SETX: variants seen among roughly 807,000 people sequenced by gnomAD.
The protein encoded by SETX is senataxin, also known as helicase senataxin.
SETX carries 90 observed loss-of-function variants against 227.2 expected under a neutral mutation model. That is an observed-to-expected ratio of 0.40 (90% CI 0.33 to 0.47). The LOEUF (loss-of-function observed/expected upper bound fraction) is 0.47. Ranked by LOEUF, SETX falls within the 20% of genes least tolerant of loss-of-function variation. The pLI is 0.91. For missense variants in SETX, 3,052 were observed against 3,181.5 expected (o/e 0.96, Z 0.98); for synonymous variants, 1,210 against 1,113.2 (o/e 1.09, Z -1.73).
Position 132,336,337 on chromosome 9 carries a change from G to T in SETX, c.677C>A (p.Ser226Ter). ...LEKGKLILLP[S>*]HMYDTTNYKS... ...GTAGTTGGTAGTATCATACATGTGTGAGGGCAGAAGAATCAGTTTACCCTT... is the reference window on the plus strand; with the variant it reads ...GTAGTTGGTAGTATCATACATGTGTTAGGGCAGAAGAATCAGTTTACCCTT... Residue 226 changes from serine (S) to a stop codon, truncating the protein, a stop_gained, in exon 6 of 26, where the codon TCA becomes TAA. Transcript: ENST00000224140. LOFTEE classifies it high-confidence loss of function. 1 of 1,614,036 alleles carries T rather than the reference G, an allele frequency of 6.2e-7. No homozygotes were observed. The highest frequency in any genetic ancestry group is 8.5e-7 in the Non-Finnish European group (1 of 1,179,914).
chr9:132,286,473 T>C lies in SETX; in HGVS notation c.6346A>G (p.Ile2116Val), dbSNP rs372396028. 1.3e-5 allele frequency: 21 copies of C among 1,613,578 alleles called. No homozygotes were observed. Among genetic ancestry groups the C allele is most frequent in the Non-Finnish European group, 1.8e-5 (21 of 1,179,784 alleles). Reference sequence around the variant, plus strand: ...TGCCTTTCCTTAGAAACTTTGGAAATGTTTTCATCTAATTCTTGCCTCTGG... The same window carrying C: ...TGCCTTTCCTTAGAAACTTTGGAAACGTTTTCATCTAATTCTTGCCTCTGG... ...EIQRQELDEN[I>V]SKVSKERQEL... The change falls in exon 18 of 26, where the codon ATT (isoleucine) becomes GTT (valine). Residue 2116 changes from isoleucine (I) to valine (V), a missense_variant. Physicochemically the swap from Ile to Val is conservative, Grantham distance 29 (BLOSUM62 3). Coordinates refer to ENST00000224140, the MANE Select transcript of SETX (RefSeq NM_015046.7).
intron 10 of SETX, among the ~76,000 whole-genome samples, chr9:132,318,635 C>A (rs540234898): frequency 6.6e-6 from 1 of 152,084 alleles, no homozygotes; most frequent in African/African-American, 2.4e-5. Flanking sequence ...ATAATTCAGC[C>A]CTAGGGATGG....
chr9:132,299,276 T>G (rs1844851086), intron 12 of SETX, among the ~76,000 whole-genome samples: 1 of 152,194 alleles, frequency 6.6e-6, no homozygotes, highest in Admixed American at 6.5e-5. Flanking sequence ...AATCAAGTGT[T>G]AACTTTTGGA....
chr9:132,345,338 A>G (rs1404030349), intron 4 of SETX, among the ~76,000 whole-genome samples: 1 of 152,190 alleles, frequency 6.6e-6, no homozygotes. Context: ...CAGTGGCACA[A>G]TCTTGGTTCA....
intron 15 of SETX, among the ~76,000 whole-genome samples, chr9:132,292,927 G>A (rs991862040): frequency 3.9e-5 from 6 of 152,000 alleles, no homozygotes; most frequent in Non-Finnish European, 8.8e-5. Flanking sequence ...GTCAGCCACC[G>A]CACCTGGCCC....
At chr9:132,270,861 G>A (rs1205837541) in intron 24 of SETX, among the ~76,000 whole-genome samples, 2 of 152,168 alleles carry the variant, frequency 1.3e-5, no homozygotes, top group Middle Eastern at 6.3e-3. Flanking sequence ...TTTCAAATTA[G>A]CTGGGAAAGA....
chr9:132,291,311 C>T (rs1236928505), intron 15 of SETX, among the ~76,000 whole-genome samples: 5 of 151,766 alleles, frequency 3.3e-5, no homozygotes, highest in South Asian at 4.2e-4. Context: ...CGACTACAGG[C>T]GCCCCCCACC....
chr9:132,278,790 G>A (rs772371571), intron 20 of SETX, among the ~76,000 whole-genome samples: 13 of 152,128 alleles, frequency 8.5e-5, no homozygotes, highest in Admixed American at 1.3e-4. Flanking sequence ...AATTATTTCT[G>A]GGGGTACACC....
chr9:132,273,938 C>T (rs183130079), intron 23 of SETX, among the ~76,000 whole-genome samples: 6 of 150,772 alleles, frequency 4.0e-5, no homozygotes, highest in South Asian at 2.1e-4. Flanking sequence ...TTTGTAAATG[C>T]CTTTTATTAA....
rs560526564 is a variant in SETX at position 132,342,173 on chromosome 9, G to T, written c.498+517C>A. ...AGCACAGACTGTCTTACCACAAAAGGTGACAAGATCTCAAACCTTAGCCAA... is the reference window on the plus strand; with the variant it reads ...AGCACAGACTGTCTTACCACAAAAGTTGACAAGATCTCAAACCTTAGCCAA... On this transcript the variant is annotated intron_variant, in intron 5 of 25. Coordinates refer to ENST00000224140, the MANE Select transcript of SETX (RefSeq NM_015046.7). 7.9e-5 allele frequency among the ~76,000 whole-genome samples: 12 copies of T among 152,236 alleles called. 1 individual carries two copies. The South Asian group carries it at 2.5e-3, about 32-fold the overall frequency.
chr9:132,283,536 T>C, intron 18 of SETX, 123 bp from the exon 19 acceptor site: 2 of 1,250,652 alleles, frequency 1.6e-6, no homozygotes, highest in Non-Finnish European at 2.3e-6. Context: ...AAATATTTAG[T>C]AAAAGTTAGG....
rs145097270 is a variant in SETX, at chr9:132,328,369, C to T, written c.3229G>A (p.Asp1077Asn). 1.2e-3 allele frequency: 1,866 copies of T among 1,614,032 alleles called. 9 individuals carry two copies. In the Middle Eastern group the frequency reaches 0.016, roughly 14 times the overall value. ...TETLFQFEES[D>N]SQCFEFESSS... ...CTTTCAAACTCAAAACACTGAGAATCAGATTCCTCAAACTGAAAAAGAGTC... is the reference window on the plus strand; with the variant it reads ...CTTTCAAACTCAAAACACTGAGAATTAGATTCCTCAAACTGAAAAAGAGTC... The change falls in exon 10 of 26, where the codon GAT becomes AAT. Residue 1077 changes from aspartate to asparagine, a missense_variant. By Grantham distance (23) the Asp-to-Asn change is conservative. Transcript: ENST00000224140.
intron 20 of SETX, among the ~76,000 whole-genome samples, chr9:132,278,763 G>T (rs919252571): frequency 3.3e-5 from 5 of 152,162 alleles, no homozygotes; most frequent in Non-Finnish European, 7.3e-5. Flanking sequence ...TAAAGGAAAT[G>T]TAACACAGAT....
At chr9:132,283,563 AG>A in intron 18 of SETX, 150 bp from the exon 19 acceptor site, 1 of 903,082 alleles carries the variant, frequency 1.1e-6, no homozygotes, top group Non-Finnish European at 1.7e-6. Flanking sequence ...CCTCAAATCT[AG>A]GAAACAGCAG....
chr9:132,331,138 T>C lies in SETX; in HGVS notation c.1012A>G (p.Thr338Ala), dbSNP rs999767103. 3 of 1,612,722 alleles carry C rather than the reference T, an allele frequency of 1.9e-6. No homozygotes were observed. In the African/African-American group the frequency reaches 4.0e-5, roughly 22 times the overall value. ...AAATAGGACTCCGGTTCTAACTTGG[T>C]CCTTAAATATTAAGAATAAATAGAA... Reference protein sequence around the residue: ...IRHIRNSSVRTKLEPESYLDD... With the variant: ...IRHIRNSSVRAKLEPESYLDD... Residue 338 changes from threonine (T) to alanine (A), a missense_variant and splice_region_variant, in exon 9 of 26, where the codon ACC becomes GCC. Coordinates refer to ENST00000224140, the MANE Select transcript of SETX (RefSeq NM_015046.7).
At position 132,327,510 on chromosome 9, in the gene SETX, C is replaced by T. The variant is rs748262024; in HGVS notation, c.4088G>A (p.Arg1363Gln). 2.9e-5 allele frequency: 47 copies of T among 1,613,864 alleles called. No homozygotes were observed. The highest frequency in any genetic ancestry group is 3.3e-4 in the Middle Eastern group (2 of 6,084). ...QIRPKSQKNRRRLSDCESTDV... is the reference protein window; with the variant it reads ...QIRPKSQKNRQRLSDCESTDV... ...TGTACTTTCACAATCAGAAAGTCTTCGTCTATTTTTTTGTGATTTGGGTCT... is the reference window on the plus strand; with the variant it reads ...TGTACTTTCACAATCAGAAAGTCTTTGTCTATTTTTTTGTGATTTGGGTCT... Residue 1363 changes from arginine (R) to glutamine (Q), a missense_variant, in exon 10 of 26, where the codon CGA becomes CAA. Transcript: ENST00000224140.
chr9:132,313,071 G>C (rs925585945), intron 10 of SETX, among the ~76,000 whole-genome samples: 2 of 152,052 alleles, frequency 1.3e-5, no homozygotes, highest in Non-Finnish European at 2.9e-5. Context: ...TGTTTGACTC[G>C]GGCTAGTGGT....
intron 19 of SETX, among the ~76,000 whole-genome samples, chr9:132,282,460 T>C (rs747016936): frequency 1.4e-4 from 21 of 151,944 alleles, no homozygotes; most frequent in Non-Finnish European, 2.8e-4. Flanking sequence ...TGGCTCATTT[T>C]TGTCTTTTTA....
chr9:132,264,261 G>A lies in SETX; in HGVS notation c.8012C>T (p.Ser2671Phe). The A allele has an allele frequency of 6.2e-7, 1 of 1,614,066 alleles. No individual in the cohort carries two copies. The highest frequency in any genetic ancestry group is 1.1e-5 in the South Asian group (1 of 91,080). Residue 2671 changes from serine (S) to phenylalanine (F), a missense_variant, in exon 26 of 26, where the codon TCC becomes TTC. Around this residue, in one of 10 missense-constraint regions of SETX, gnomAD observed 294 missense variants for 278.8 expected, o/e 1.05. Transcript: ENST00000224140. ...KRTLEQEDSS[S>F]KKRKLL ...TTCCTATAAAAGCTTTCTTTTCTTG[G>A]AACTGCTGTCCTCCTGCTCCAGTGT...
Sources: gnomAD v4.1 joint callset for allele counts (sites outside exome capture counted in the v4.1 genomes callset) on GRCh38, gnomAD v4.1.1 for gene constraint, gnomAD v4.1.1 regional missense constraint, MANE v1.5 for transcripts, NCBI Gene and HGNC (gene_info 2026-07-23, HGNC 2026-07-21) for gene names.